Variants in PALM2AKAP2 observed in about 807,000 individuals in gnomAD.
PALM2AKAP2 encodes the protein PALM2-AKAP2 fusion protein.
Under a neutral mutation model 71.5 loss-of-function variants are expected in PALM2AKAP2, and 37 were observed. That is an observed-to-expected ratio of 0.52 (90% CI 0.40 to 0.68). PALM2AKAP2 has a LOEUF of 0.68. Among genes scored for constraint, PALM2AKAP2 ranks in the 30% least tolerant of loss-of-function variants. The pLI is 0.00. For missense variants in PALM2AKAP2, 1,224 were observed against 1,191.8 expected, an observed-to-expected ratio of 1.03 and a Z score of -0.40; for synonymous variants, 468 against 478.8, an observed-to-expected ratio of 0.98 and a Z score of 0.29.
In PALM2AKAP2 at chr9:109,808,149, G is replaced by T. The variant is rs184594893; in HGVS notation, c.45+27616G>T. 2.3e-4 allele frequency among the ~76,000 whole-genome samples: 35 copies of T among 152,304 alleles called. No individual in the cohort carries two copies. The East Asian group carries it at 6.4e-3, about 28-fold the overall frequency. On this transcript the variant is annotated intron_variant, in intron 1 of 9. Transcript: ENST00000302798. ...GTGAGGTGCTACTGTAAAGATACCT[G>T]AAAATGTGGAAGCAACTTTGGAACT...
At chr9:110,047,065 A>G (rs910466509), upstream of PALM2AKAP2, among the ~76,000 whole-genome samples, 3 of 152,208 alleles carry the variant, frequency 2.0e-5, no homozygotes, top group African/African-American at 7.2e-5. Flanking sequence ...AGACATGAGG[A>G]GAAAAAAATG....
rs370419645 is a variant in PALM2AKAP2, at chr9:109,870,090, A to T, written c.126+2519A>T. ...GCTTTGGGAGGTCCTGAATTTCTGT[A>T]TGCTGGTGAGGTGGGGTCAGTGGTA... is the stretch of plus-strand genomic sequence containing the variant. On this transcript the variant is annotated intron_variant, in intron 2 of 9. Coordinates refer to the PALM2AKAP2 transcript ENST00000302798. 3.3e-5 allele frequency among the ~76,000 whole-genome samples: 5 copies of T among 152,164 alleles called. No homozygotes were observed. In the South Asian group the frequency reaches 1.0e-3, roughly 32 times the overall value.
intron 1 of PALM2AKAP2, among the ~76,000 whole-genome samples, chr9:109,663,042 A>G (rs1827423659): frequency 6.6e-6 from 1 of 151,906 alleles, no homozygotes; most frequent in African/African-American, 2.4e-5. Context: ...TATTGCATCT[A>G]TTTGATTCTT....
At chr9:109,848,778 CA>C (rs56135332) in intron 1 of PALM2AKAP2, among the ~76,000 whole-genome samples, 50,379 of 111,908 alleles carry the variant, frequency 0.45, 8,580 homozygotes, top group Middle Eastern at 0.51. Flanking sequence ...CCCATCTCTA[CA>C]AAAAAAAAAA....
intron 6 of PALM2AKAP2, among the ~76,000 whole-genome samples, chr9:109,991,288 G>A (rs1261767103): frequency 1.3e-5 from 2 of 151,440 alleles, no homozygotes; most frequent in Non-Finnish European, 2.9e-5. Flanking sequence ...TCAGGCTGGA[G>A]TGTGGTGGCG....
At chr9:109,869,920 G>C (rs1192838142) in intron 2 of PALM2AKAP2, among the ~76,000 whole-genome samples, 1 of 152,142 alleles carries the variant, frequency 6.6e-6, no homozygotes, top group Non-Finnish European at 1.5e-5. Flanking sequence ...CTTACTAAGT[G>C]GAGGTGAGTG....
intron 1 of PALM2AKAP2, among the ~76,000 whole-genome samples, chr9:110,126,828 C>T (rs953194863): frequency 2.6e-5 from 4 of 152,224 alleles, no homozygotes; most frequent in African/African-American, 9.6e-5. Flanking sequence ...CATCAAATAA[C>T]ACCTTAACAT....
chr9:109,861,490 C>T (rs926409874), intron 1 of PALM2AKAP2, among the ~76,000 whole-genome samples: 2 of 152,102 alleles, frequency 1.3e-5, no homozygotes, highest in African/African-American at 2.4e-5. Flanking sequence ...CCAGAAAATA[C>T]TTGCCAGGAA....
intron 1 of PALM2AKAP2, among the ~76,000 whole-genome samples, chr9:110,111,819 G>A (rs571143665): frequency 2.7e-4 from 41 of 152,256 alleles, no homozygotes; most frequent in Middle Eastern, 3.4e-3. Context: ...TCCAGTCAAC[G>A]TTTTGGTTCC....
At chr9:110,167,992 C>A (rs752375404) in intron 3 of PALM2AKAP2, among the ~76,000 whole-genome samples, 1 of 152,180 alleles carries the variant, frequency 6.6e-6, no homozygotes, top group Non-Finnish European at 1.5e-5. Context: ...TCAATAGCCA[C>A]GTATGGCTAG....
chr9:109,913,949 G>T (rs1830629169), intron 3 of PALM2AKAP2, among the ~76,000 whole-genome samples: 1 of 151,810 alleles, frequency 6.6e-6, no homozygotes, highest in South Asian at 2.1e-4. Flanking sequence ...GTAGAGATGG[G>T]GTTTCACCAT....
At chr9:110,136,092 A>T in intron 1 of PALM2AKAP2, 35 bp from the exon 8 acceptor site, 5 of 1,533,090 alleles carry the variant, frequency 3.3e-6, no homozygotes, top group Non-Finnish European at 3.5e-6. Flanking sequence ...GAGATGCAGT[A>T]TTTAACCCTG....
chr9:109,915,362 G>A (rs1588005154), intron 3 of PALM2AKAP2, among the ~76,000 whole-genome samples: 1 of 152,194 alleles, frequency 6.6e-6, no homozygotes, highest in East Asian at 1.9e-4. Context: ...TAAGTTCAAT[G>A]GCTTCTACTC....
intron 1 of PALM2AKAP2, among the ~76,000 whole-genome samples, chr9:109,758,115 C>T (rs1032516143): frequency 6.6e-6 from 1 of 152,068 alleles, no homozygotes; most frequent in African/African-American, 2.4e-5. Flanking sequence ...AACCTAAATA[C>T]TAACATACTG....
At chr9:109,663,383 T>A (rs1266978352) in intron 1 of PALM2AKAP2, among the ~76,000 whole-genome samples, 1 of 152,238 alleles carries the variant, frequency 6.6e-6, no homozygotes, top group African/African-American at 2.4e-5. Context: ...TCTGGTACAC[T>A]GTGTCTTTGT....
exon 4 of PALM2AKAP2, chr9:110,169,628 A>T (rs1212487058): frequency 6.6e-6 from 1 of 152,276 alleles, no homozygotes; most frequent in East Asian, 1.9e-4. Flanking sequence ...TAAAATAAGG[A>T]GGTAAGAGAT....
At chr9:110,159,449 C>T (rs1360157262) in intron 3 of PALM2AKAP2, among the ~76,000 whole-genome samples, 1 of 152,186 alleles carries the variant, frequency 6.6e-6, no homozygotes, top group Non-Finnish European at 1.5e-5. Flanking sequence ...GAATCAATGC[C>T]TGTCGCGTGA....
intron 1 of PALM2AKAP2, among the ~76,000 whole-genome samples, chr9:110,119,929 A>G (rs115263459): frequency 0.015 from 2,288 of 152,278 alleles, 63 homozygotes; most frequent in African/African-American, 0.052. Context: ...ATGTTTTACA[A>G]CTGCTCCCTA....
intron 2 of PALM2AKAP2, among the ~76,000 whole-genome samples, chr9:109,878,352 G>T (rs1399869658): frequency 6.6e-6 from 1 of 152,116 alleles, no homozygotes; most frequent in Non-Finnish European, 1.5e-5. Flanking sequence ...GTGTGGGGGT[G>T]GATCCTGTCT....
Sources: allele counts gnomAD v4.1 joint callset (sites outside exome capture counted in the v4.1 genomes callset), GRCh38; gene constraint gnomAD v4.1.1; transcripts MANE v1.5; gene names NCBI Gene and HGNC (gene_info 2026-07-23, HGNC 2026-07-21).